Variants in ACOT7 observed in about 807,000 individuals in gnomAD.
ACOT7 encodes the protein cytosolic acyl coenzyme A thioester hydrolase.
A neutral mutation model predicts 40.2 loss-of-function variants in ACOT7; 12 were observed. That is an observed-to-expected ratio of 0.30 (90% CI 0.19 to 0.48). The LOEUF (loss-of-function observed/expected upper bound fraction) is 0.48. ACOT7 is among the 20% of genes least tolerant of loss of function. ACOT7 has a pLI of 0.99. For missense variants in ACOT7, 395 were observed against 530.8 expected, an observed-to-expected ratio of 0.74 and a Z score of 2.51; for synonymous variants, 228 against 219.5, an observed-to-expected ratio of 1.04 and a Z score of -0.34.
At chr1:6,293,583 C>T (rs939440379) in intron 7 of ACOT7, among the ~76,000 whole-genome samples, 7 of 152,172 alleles carry the variant, frequency 4.6e-5, no homozygotes, top group African/African-American at 1.7e-4. Flanking sequence ...TGTCTGTAGT[C>T]CTGGCTACCT....
At chr1:6,357,906 A>C in intron 1 of ACOT7, among the ~76,000 whole-genome samples, 1 of 145,754 alleles carries the variant, frequency 6.9e-6, no homozygotes, top group Middle Eastern at 3.7e-3. Flanking sequence ...TCGCTCTGTC[A>C]CCCAGGCTGG....
chr1:6,264,781 C>CAGG, intron 8 of ACOT7, 86 bp from the exon 9 acceptor site: 1 of 1,418,098 alleles, frequency 7.1e-7, no homozygotes, highest in Non-Finnish European at 9.6e-7. Flanking sequence ...GGCCCTGCCC[C>CAGG]CCACCCGTGG....
intron 5 of ACOT7, among the ~76,000 whole-genome samples, chr1:6,323,731 AAAAAAAAT>A (rs1386402149): frequency 3.0e-4 from 27 of 90,114 alleles, no homozygotes; most frequent in African/African-American, 1.4e-3. Context: ...AAAAAAAAAA[AAAAAAAAT>A]ATATATATAT....
intron 8 of ACOT7, among the ~76,000 whole-genome samples, chr1:6,270,307 G>T (rs1638991072): frequency 6.6e-6 from 1 of 152,224 alleles, no homozygotes; most frequent in African/African-American, 2.4e-5. Flanking sequence ...TGGAGGGTTG[G>T]GGGTGGGTGG....
intron 5 of ACOT7, 124 bp from the exon 6 acceptor site, chr1:6,318,702 G>T: frequency 2.2e-6 from 2 of 920,216 alleles, no homozygotes; most frequent in Non-Finnish European, 3.4e-6. Flanking sequence ...GCCGGGTTCA[G>T]CTATGATTTC....
intron 5 of ACOT7, 34 bp from the exon 6 acceptor site, chr1:6,318,612 G>A (rs1158616479): frequency 3.1e-6 from 5 of 1,603,712 alleles, no homozygotes; most frequent in Non-Finnish European, 3.4e-6. Flanking sequence ...TAGTTATGGG[G>A]TAGGCTGATT....
At chr1:6,343,414 C>A (rs186252840) in intron 2 of ACOT7, among the ~76,000 whole-genome samples, 3 of 152,368 alleles carry the variant, frequency 2.0e-5, no homozygotes, top group Non-Finnish European at 2.9e-5. Context: ...TGCACACAGG[C>A]GCAGGGACTC....
chr1:6,375,954 T>A (rs59560447), intron 1 of ACOT7, among the ~76,000 whole-genome samples: 58 of 145,234 alleles, frequency 4.0e-4, no homozygotes, highest in South Asian at 8.8e-4. Flanking sequence ...AAAAAAAAAA[T>A]TTTTTTAAAT....
intron 8 of ACOT7, among the ~76,000 whole-genome samples, chr1:6,266,387 T>G (rs1165862684): frequency 1.3e-5 from 2 of 152,216 alleles, no homozygotes; most frequent in Non-Finnish European, 2.9e-5. Flanking sequence ...GCTGAAGACC[T>G]CTGTGCACAC....
intron 8 of ACOT7, among the ~76,000 whole-genome samples, chr1:6,272,088 T>A (rs1008813104): frequency 1.3e-5 from 2 of 152,230 alleles, no homozygotes; most frequent in Non-Finnish European, 2.9e-5. Flanking sequence ...GTGCCCACTG[T>A]GGGCTAGGCC....
rs937716997 is a variant in ACOT7 at position 6,330,414 on chromosome 1, G to A, written c.511-3001C>T. Among the ~76,000 whole-genome samples, 1 of 152,196 alleles carries A rather than the reference G, an allele frequency of 6.6e-6. No individual in the cohort carries two copies. The highest frequency in any genetic ancestry group is 1.5e-5 in the Non-Finnish European group (1 of 68,030). The stretch of plus-strand genomic sequence containing the variant: ...GAGGTTTATACTACGTGGGCCTAGC[G>A]TGTGTTGGGGGGAAGATGGTGCAAA... On this transcript the variant is annotated intron_variant, in intron 4 of 8. Transcript: ENST00000361521. This position sits in a 1 kb window ranked among gnomAD's most constrained non-coding sequence, Gnocchi z 4.6.
intron 1 of ACOT7, among the ~76,000 whole-genome samples, chr1:6,371,647 T>G (rs1354129394): frequency 6.6e-6 from 1 of 151,746 alleles, no homozygotes; most frequent in African/African-American, 2.4e-5. Context: ...ACAGCGTGAG[T>G]CACCAGACCT....
chr1:6,300,549 C>T (rs1219541489), intron 6 of ACOT7, among the ~76,000 whole-genome samples: 2 of 147,086 alleles, frequency 1.4e-5, no homozygotes, highest in African/African-American at 5.1e-5. Context: ...AGAATCTCAC[C>T]GGACCCCACC....
At chr1:6,370,284 C>A (rs962926851) in intron 1 of ACOT7, among the ~76,000 whole-genome samples, 2 of 152,098 alleles carry the variant, frequency 1.3e-5, no homozygotes, top group Admixed American at 1.3e-4. Context: ...GTACAGCTTG[C>A]AGAACCATGA....
At chr1:6,277,657 G>A (rs1310603313) in intron 8 of ACOT7, among the ~76,000 whole-genome samples, 3 of 152,230 alleles carry the variant, frequency 2.0e-5, no homozygotes, top group Admixed American at 2.0e-4. Flanking sequence ...CCACAAGACA[G>A]CTCCTGCCCT....
intron 7 of ACOT7, among the ~76,000 whole-genome samples, chr1:6,281,549 G>A (rs939743036): frequency 8.5e-5 from 13 of 152,222 alleles, no homozygotes; most frequent in African/African-American, 2.9e-4. Flanking sequence ...CCGCCCAGGC[G>A]GGCTCTCTCC....
intron 7 of ACOT7, among the ~76,000 whole-genome samples, chr1:6,286,119 C>T (rs1011333799): frequency 4.6e-5 from 7 of 152,212 alleles, no homozygotes; most frequent in African/African-American, 1.7e-4. Flanking sequence ...GACAATCAGC[C>T]CACGAGCGGA....
intron 1 of ACOT7, among the ~76,000 whole-genome samples, chr1:6,379,836 A>G (rs1359669952): frequency 6.6e-6 from 1 of 151,460 alleles, no homozygotes; most frequent in African/African-American, 2.4e-5. Context: ...TGAGGTGGGC[A>G]TATCACTTGA....
Position 6,358,902 on chromosome 1 carries a change from TCA to T in ACOT7, c.144-9038_144-9037del, listed in dbSNP as rs756962824. The T allele has an allele frequency of 1.5e-4, 249 of 1,607,218 alleles. No homozygotes were observed. Among genetic ancestry groups the T allele is most frequent in the Non-Finnish European group, 2.0e-4 (240 of 1,176,814 alleles). On this transcript the variant is annotated intron_variant, in intron 1 of 8. Coordinates refer to ENST00000361521, the MANE Select transcript of ACOT7 (RefSeq NM_007274.4). This position sits in a 1 kb window ranked among gnomAD's most constrained non-coding sequence, Gnocchi z 4.1. ...AGAAAGGCGAGGGAGCAGGGAAGCATCACAGAGTCCTTGCCTGACCCAGGACT... is the reference window on the plus strand; with the variant it reads ...AGAAAGGCGAGGGAGCAGGGAAGCATCAGAGTCCTTGCCTGACCCAGGACT...
Sources: gnomAD v4.1 joint callset for allele counts (sites outside exome capture counted in the v4.1 genomes callset) on GRCh38, gnomAD v4.1.1 for gene constraint, Gnocchi (gnomAD v3.1) non-coding constraint, MANE v1.5 for transcripts, NCBI Gene and HGNC (gene_info 2026-07-23, HGNC 2026-07-21) for gene names.